The following OPCML variants were observed in gnomAD, a reference collection of about 807,000 sequenced individuals.
OPCML encodes opioid binding protein/cell adhesion molecule like.
Under a neutral mutation model 37.8 loss-of-function variants are expected in OPCML, and 13 were observed. The observed-to-expected ratio is 0.34, with a 90% CI of 0.22 to 0.55. The LOEUF is 0.55. Among genes scored for constraint, OPCML ranks in the 20% least tolerant of loss-of-function variants. The pLI, the probability that OPCML is intolerant of heterozygous loss-of-function variation, is 0.91. For synonymous variants in OPCML, 176 were observed against 168.8 expected, an observed-to-expected ratio of 1.04 and a Z score of -0.33; for missense variants, 341 against 435.6, an observed-to-expected ratio of 0.78 and a Z score of 1.93.
intron 1 of OPCML, among the ~76,000 whole-genome samples, chr11:133,275,619 C>T (rs1941971200): frequency 6.6e-6 from 1 of 152,112 alleles, no homozygotes; most frequent in South Asian, 2.1e-4. Context: ...GCTCTAGCCC[C>T]CACCAGAGAA....
At chr11:133,334,493 T>C (rs1943698229) in intron 1 of OPCML, among the ~76,000 whole-genome samples, 1 of 151,920 alleles carries the variant, frequency 6.6e-6, no homozygotes, top group African/African-American at 2.4e-5. Context: ...GGGGTCTACT[T>C]GATGGGGAGG....
chr11:133,082,310 C>G (rs562189264), intron 1 of OPCML, among the ~76,000 whole-genome samples: 94 of 151,576 alleles, frequency 6.2e-4, no homozygotes, highest in African/African-American at 2.2e-3. Context: ...CGGGCTCCAC[C>G]CGGCTGGGGC....
At chr11:132,716,813 A>G (rs868826640) in intron 2 of OPCML, among the ~76,000 whole-genome samples, 1 of 152,206 alleles carries the variant, frequency 6.6e-6, no homozygotes, top group Non-Finnish European at 1.5e-5. Context: ...CATTGGGAAT[A>G]TACCAGGTGA....
intron 1 of OPCML, among the ~76,000 whole-genome samples, chr11:133,396,235 GCAAATAAATTATTTATA>G (rs1395805153): frequency 4.6e-5 from 7 of 151,824 alleles, no homozygotes; most frequent in African/African-American, 9.7e-5. Flanking sequence ...TTTGTATCCT[GCAAATAAATTATTTATA>G]CAAATAAATT....
chr11:132,766,148 C>T (rs1483590943), intron 2 of OPCML, among the ~76,000 whole-genome samples: 3 of 150,726 alleles, frequency 2.0e-5, no homozygotes, highest in African/African-American at 7.3e-5. Flanking sequence ...TTCTTCCTTA[C>T]ATAAATATGT....
At chr11:132,801,717 G>A (rs1341884731) in intron 2 of OPCML, among the ~76,000 whole-genome samples, 1 of 152,062 alleles carries the variant, frequency 6.6e-6, no homozygotes, top group East Asian at 1.9e-4. Context: ...GTTTAAAATC[G>A]CTTCTACCTG....
intron 7 of OPCML, among the ~76,000 whole-genome samples, chr11:132,426,510 G>A (rs536865643): frequency 1.1e-3 from 171 of 152,208 alleles, no homozygotes; most frequent in African/African-American, 3.9e-3. Flanking sequence ...CACGATCTCG[G>A]CTGAATCTGC....
chr11:132,897,897 A>C (rs1430651976), intron 2 of OPCML, among the ~76,000 whole-genome samples: 1 of 152,182 alleles, frequency 6.6e-6, no homozygotes, highest in Non-Finnish European at 1.5e-5. Context: ...AAGGATGTGA[A>C]GTTATTTGTT....
chr11:133,208,871 G>A lies in OPCML; in HGVS notation c.62-265861C>T, dbSNP rs1258589856. Among the ~76,000 whole-genome samples, 7 of 152,092 alleles carry A rather than the reference G, an allele frequency of 4.6e-5. No homozygotes were observed. The highest frequency in any genetic ancestry group is 4.6e-4 in the Admixed American group (7 of 15,272). ...ACTACCTATTCTAACTGCTCCCAAAGCACCCCTACTTTAACAACCTCCTCT... is the reference window on the plus strand; with the variant it reads ...ACTACCTATTCTAACTGCTCCCAAAACACCCCTACTTTAACAACCTCCTCT... On this transcript the variant is annotated intron_variant, in intron 1 of 7. Coordinates refer to ENST00000524381, the MANE Select transcript of OPCML (RefSeq NM_001012393.5). The surrounding 1 kb of genome is among the most constrained non-coding windows in gnomAD (Gnocchi z 8.9).
At chr11:133,329,843 C>T (rs545203594) in intron 1 of OPCML, among the ~76,000 whole-genome samples, 1,840 of 152,260 alleles carry the variant, frequency 0.012, 39 homozygotes, top group African/African-American at 0.042. Flanking sequence ...CAAATGAGAT[C>T]TAATTAAACT....
intron 2 of OPCML, among the ~76,000 whole-genome samples, chr11:132,897,099 T>G (rs1943879495): frequency 6.6e-6 from 1 of 152,170 alleles, no homozygotes; most frequent in Non-Finnish European, 1.5e-5. Context: ...TGCAAGCTGC[T>G]CTTCCTCTTG....
intron 4 of OPCML, among the ~76,000 whole-genome samples, chr11:132,501,095 G>A (rs1431672648): frequency 1.1e-5 from 1 of 91,788 alleles, no homozygotes; most frequent in Admixed American, 1.0e-4. Context: ...GGGCCAAATG[G>A]TATTTCTGCT....
intron 1 of OPCML, among the ~76,000 whole-genome samples, chr11:133,210,471 G>A (rs1355728306): frequency 6.6e-6 from 1 of 151,896 alleles, no homozygotes; most frequent in Admixed American, 6.6e-5. Context: ...TTCTTTCTCT[G>A]ATGAAGTTCC....
intron 3 of OPCML, among the ~76,000 whole-genome samples, chr11:132,645,425 C>A (rs1382509616): frequency 6.6e-6 from 1 of 152,148 alleles, no homozygotes; most frequent in African/African-American, 2.4e-5. Context: ...ATATTTAAGA[C>A]ATTTTGCTAT....
At chr11:132,714,168 T>G (rs1944379636) in intron 2 of OPCML, among the ~76,000 whole-genome samples, 1 of 152,226 alleles carries the variant, frequency 6.6e-6, no homozygotes, top group Admixed American at 6.5e-5. Context: ...CAAAATACTC[T>G]CTGCCTCTCT....
rs1004423086 is a variant in OPCML at position 133,206,440 on chromosome 11, C to T, written c.62-263430G>A. Among the ~76,000 whole-genome samples the T allele has an allele frequency of 3.9e-5, 6 of 152,156 alleles. No homozygotes were observed. Among genetic ancestry groups the T allele is most frequent in the African/African-American group, 7.2e-5 (3 of 41,434 alleles). On this transcript the variant is annotated intron_variant, in intron 1 of 7. Transcript: ENST00000524381. The surrounding 1 kb of genome is among the most constrained non-coding windows in gnomAD (Gnocchi z 4.7). ...CTATGAAATATAAAAACTATATGATCAAAGGCCCTTTCAGCTCTTGAACTG... is the reference window on the plus strand; with the variant it reads ...CTATGAAATATAAAAACTATATGATTAAAGGCCCTTTCAGCTCTTGAACTG...
At chr11:132,755,384 A>G (rs1415059249) in intron 2 of OPCML, among the ~76,000 whole-genome samples, 2 of 152,162 alleles carry the variant, frequency 1.3e-5, no homozygotes, top group African/African-American at 4.8e-5. Flanking sequence ...ACATCACCCA[A>G]TACTCAGCTG....
At chr11:133,163,491 G>A (rs756762916) in intron 1 of OPCML, among the ~76,000 whole-genome samples, 11 of 152,184 alleles carry the variant, frequency 7.2e-5, no homozygotes, top group African/African-American at 2.4e-4. Flanking sequence ...GTTCATAGAC[G>A]TTTAAAAGGC....
intron 1 of OPCML, among the ~76,000 whole-genome samples, chr11:133,141,035 ACGACGACGAC>A: frequency 3.3e-5 from 1 of 30,030 alleles, no homozygotes; most frequent in African/African-American, 6.3e-5. Context: ...GACGACGACG[ACGACGACGAC>A]GACGAAGAAG....
Sources: gnomAD v4.1 joint callset for allele counts (sites outside exome capture counted in the v4.1 genomes callset) on GRCh38, gnomAD v4.1.1 for gene constraint, Gnocchi (gnomAD v3.1) non-coding constraint, MANE v1.5 for transcripts, NCBI Gene and HGNC (gene_info 2026-07-23, HGNC 2026-07-21) for gene names.